PPA2: variants seen among roughly 807,000 people sequenced by gnomAD.
The protein encoded by PPA2 is inorganic pyrophosphatase 2, mitochondrial.
PPA2 carries 48 observed loss-of-function variants against 49.5 expected under a neutral mutation model. The observed-to-expected ratio is 0.97, with a 90% confidence interval of 0.77 to 1.23. PPA2 has a LOEUF of 1.23. Ranked by LOEUF, PPA2 falls within the 50% of genes most tolerant of loss-of-function variation. PPA2 has a pLI of 0.00. For missense variants in PPA2, 429 were observed against 410.1 expected, an observed-to-expected ratio of 1.05 and a Z score of -0.40; for synonymous variants, 131 against 139.9, an observed-to-expected ratio of 0.94 and a Z score of 0.45.
chr4:105,463,020 C>T lies in PPA2; in HGVS notation c.158-6275G>A, dbSNP rs563824218. Among the ~76,000 whole-genome samples the T allele has an allele frequency of 1.3e-3, 191 of 152,174 alleles. 1 individual carries two copies. The highest frequency in any genetic ancestry group is 2.1e-3 in the Non-Finnish European group (146 of 68,010). ...ACAGTAAATTGGTACCAGTAGAGTG[C>T]GGTGCTGCTGAAAAGATAACTGAAA... is the stretch of plus-strand genomic sequence containing the variant. On this transcript the variant is annotated intron_variant, in intron 1 of 11. Coordinates refer to ENST00000341695, the MANE Select transcript of PPA2 (RefSeq NM_176869.3).
chr4:105,372,365 C>T (rs562074880), intron 10 of PPA2, among the ~76,000 whole-genome samples: 23 of 152,290 alleles, frequency 1.5e-4, no homozygotes, highest in Non-Finnish European at 2.6e-4. Flanking sequence ...GAAGGCTCTC[C>T]GTGCTTAAAT....
chr4:105,442,350 A>C (rs934826752), intron 5 of PPA2, among the ~76,000 whole-genome samples: 1 of 152,210 alleles, frequency 6.6e-6, no homozygotes, highest in African/African-American at 2.4e-5. Context: ...GATCATACAG[A>C]TAAACAAACA....
In PPA2 at chr4:105,437,949, C is replaced by T. The variant is rs1032144565; in HGVS notation, c.528+1G>A. On this transcript the variant is annotated splice_donor_variant, in intron 6 of 11. Transcript: ENST00000341695. LOFTEE classifies it high-confidence loss of function. ...GAATTAATACAGTCTATAAAACAAA[C>T]CTTTGAGCCTATTTCGCAAACATCA... 1.9e-6 allele frequency: 3 copies of T among 1,599,120 alleles called. No individual in the cohort carries two copies. The highest frequency in any genetic ancestry group is 2.7e-5 in the African/African-American group (2 of 73,752).
chr4:105,387,572 A>G lies in PPA2; in HGVS notation c.870-936T>C, dbSNP rs557263617. Among the ~76,000 whole-genome samples the G allele has an allele frequency of 5.2e-4, 79 of 152,296 alleles. 1 individual carries two copies. The highest frequency in any genetic ancestry group is 3.4e-3 in the Middle Eastern group (1 of 294). On this transcript the variant is annotated intron_variant, in intron 9 of 11. Coordinates refer to ENST00000341695, the MANE Select transcript of PPA2 (RefSeq NM_176869.3). ...TTGTAATTGATGACACTGAGTATAC[A>G]GCGATTATAATAAGTGGTCATTTTG...
chr4:105,369,672 A>ACTTGGGGAAAAAGT lies in PPA2; in HGVS notation c.*52_*53insACTTTTTCCCCAAG, dbSNP rs16345. On this transcript the variant is annotated 3_prime_UTR_variant, in exon 12 of 12. Transcript: ENST00000341695. Reference sequence around the variant, plus strand: ...GCTCATAGACCCCCTTGTCTCTAGCACTTGGAGTCCTTAGAGATGGGAATC... The same window carrying ACTTGGGGAAAAAGT: ...GCTCATAGACCCCCTTGTCTCTAGCACTTGGGGAAAAAGTCTTGGAGTCCTTAGAGATGGGAATC... 1.3e-6 allele frequency: 2 copies of ACTTGGGGAAAAAGT among 1,499,234 alleles called. No individual in the cohort carries two copies. The highest frequency in any genetic ancestry group is 2.3e-5 in the South Asian group (2 of 88,668). The allele number at this position is 1,499,234 out of a possible 1,614,324, so 92.9% of individuals were successfully genotyped here.
chr4:105,427,850 G>A (rs1415110267), intron 6 of PPA2, among the ~76,000 whole-genome samples: 4 of 152,030 alleles, frequency 2.6e-5, no homozygotes, highest in Non-Finnish European at 5.9e-5. Context: ...TACAGAGAAC[G>A]CCACAAAGAT....
intron 5 of PPA2, among the ~76,000 whole-genome samples, chr4:105,442,363 C>G (rs1266937794): frequency 6.6e-6 from 1 of 152,060 alleles, no homozygotes; most frequent in Non-Finnish European, 1.5e-5. Flanking sequence ...AACAAACAGG[C>G]CTAGAGAGAT....
chr4:105,441,305 T>C (rs1342367184), intron 5 of PPA2, among the ~76,000 whole-genome samples: 1 of 152,068 alleles, frequency 6.6e-6, no homozygotes, highest in Non-Finnish European at 1.5e-5. Context: ...GAACAGGTAA[T>C]TAAAAGAAGG....
chr4:105,401,493 A>C (rs992599203), intron 7 of PPA2, among the ~76,000 whole-genome samples: 4 of 152,216 alleles, frequency 2.6e-5, no homozygotes, highest in Non-Finnish European at 5.9e-5. Context: ...TAAGTGTATA[A>C]TTCAGTGACA....
intron 1 of PPA2, 99 bp from the exon 2 acceptor site, chr4:105,456,844 C>A (rs949367150): frequency 2.1e-6 from 2 of 941,150 alleles, no homozygotes; most frequent in African/African-American, 3.4e-5. Context: ...TTTAAACTTA[C>A]GCATTTTTTA....
Position 105,382,019 on chromosome 4 carries a change from C to G in PPA2, c.939+4548G>C, listed in dbSNP as rs571915009. ...CTTCTATAATTTTCTTTAATTTCTG[C>G]TATATTGTATACATTTAATTTCTCA... On this transcript the variant is annotated intron_variant, in intron 10 of 11. Coordinates refer to ENST00000341695, the MANE Select transcript of PPA2 (RefSeq NM_176869.3). Among the ~76,000 whole-genome samples, 4 of 152,044 alleles carry G rather than the reference C, an allele frequency of 2.6e-5. No homozygotes were observed. The South Asian group carries it at 8.3e-4, about 32-fold the overall frequency.
intron 1 of PPA2, among the ~76,000 whole-genome samples, chr4:105,463,577 G>A (rs531091488): frequency 1.4e-4 from 22 of 152,314 alleles, no homozygotes; most frequent in African/African-American, 3.4e-4. Context: ...TGTCTCTAGC[G>A]CATGTCAGAG....
At chr4:105,405,427 T>G in intron 7 of PPA2, 1 of 820,662 alleles carries the variant, frequency 1.2e-6, no homozygotes, top group Non-Finnish European at 1.5e-6. Flanking sequence ...ATTATTACAA[T>G]TTAGTTCTTA....
chr4:105,441,351 CCTA>C (rs1409036331), intron 5 of PPA2, among the ~76,000 whole-genome samples: 4 of 151,970 alleles, frequency 2.6e-5, no homozygotes, highest in Non-Finnish European at 5.9e-5. Flanking sequence ...AGAAAAGATA[CCTA>C]GTCTGATCAG....
intron 10 of PPA2, among the ~76,000 whole-genome samples, chr4:105,372,926 C>A (rs1191682894): frequency 6.6e-6 from 1 of 152,134 alleles, no homozygotes; most frequent in African/African-American, 2.4e-5. Context: ...AAAAGCTGAA[C>A]AAACAGACTT....
At chr4:105,412,506 A>G (rs1349675161) in intron 7 of PPA2, among the ~76,000 whole-genome samples, 1 of 152,210 alleles carries the variant, frequency 6.6e-6, no homozygotes, top group African/African-American at 2.4e-5. Flanking sequence ...TAAACTAAAG[A>G]GCTTCTGCAC....
Position 105,474,023 on chromosome 4 carries a change from T to A in PPA2, c.28A>T (p.Thr10Ser), listed in dbSNP as rs956242725. 6.3e-7 allele frequency: 1 copy of A among 1,599,488 alleles called. No homozygotes were observed. The highest frequency in any genetic ancestry group is 1.3e-5 in the African/African-American group (1 of 74,270). The change falls in exon 1 of 12, where the codon ACG becomes TCG. Residue 10 changes from threonine (T) to serine (S), a missense_variant. By Grantham distance (58) the Thr-to-Ser change is moderately conservative (BLOSUM62 1). Coordinates refer to ENST00000341695, the MANE Select transcript of PPA2 (RefSeq NM_176869.3). ...AGGCACGCAGCGGCTGGGGCACCCG[T>A]GCGCAGCAGCCGCAGCAGCGCGCTC... is the stretch of plus-strand genomic sequence containing the variant. Reference protein sequence around the residue: MSALLRLLRTGAPAAACLRL... With the variant: MSALLRLLRSGAPAAACLRL...
chr4:105,406,534 AAAGAT>A (rs1722482974), intron 7 of PPA2, among the ~76,000 whole-genome samples: 3 of 152,202 alleles, frequency 2.0e-5, no homozygotes, highest in South Asian at 2.1e-4. Context: ...TCTGAAATCC[AAAGAT>A]AAGGAGAAAA....
chr4:105,461,886 A>G (rs1723106710), intron 1 of PPA2, among the ~76,000 whole-genome samples: 1 of 152,230 alleles, frequency 6.6e-6, no homozygotes, highest in Admixed American at 6.5e-5. Context: ...ATCATCACCT[A>G]GTAAGTTTAA....
Sources: gnomAD v4.1 joint callset for allele counts (sites outside exome capture counted in the v4.1 genomes callset) on GRCh38, gnomAD v4.1.1 for gene constraint, MANE v1.5 for transcripts, NCBI Gene and HGNC (gene_info 2026-07-23, HGNC 2026-07-21) for gene names.